LARP4B: variants seen among roughly 807,000 people sequenced by gnomAD.
The protein encoded by LARP4B is La ribonucleoprotein 4B.
Under a neutral mutation model 89.8 loss-of-function variants are expected in LARP4B, and 12 were observed. The ratio of observed to expected loss-of-function variants is 0.13; its 90% CI spans 0.09 to 0.22. The LOEUF (loss-of-function observed/expected upper bound fraction) is 0.22, where lower values mean the gene tolerates loss of function less well. Among genes scored for constraint, LARP4B ranks in the 10% least tolerant of loss-of-function variants. The pLI, the probability that LARP4B is intolerant of heterozygous loss-of-function variation, is 1.00. For synonymous variants in LARP4B, 367 were observed against 363.3 expected (o/e 1.01, Z -0.12); for missense variants, 757 against 947.7 (o/e 0.80, Z 2.64).
intron 3 of LARP4B, among the ~76,000 whole-genome samples, chr10:872,844 T>C (rs1156444402): frequency 6.6e-6 from 1 of 152,164 alleles, no homozygotes; most frequent in African/African-American, 2.4e-5. Context: ...TCACCCAAGT[T>C]TTCATACCTT....
At chr10:873,038 TTA>T in intron 3 of LARP4B, 1 of 985,360 alleles carries the variant, frequency 1.0e-6, no homozygotes, top group Non-Finnish European at 1.2e-6. Flanking sequence ...AGACAAAGTT[TTA>T]CTTATCTTGT....
At chr10:916,011 TG>T (rs968610630) in intron 1 of LARP4B, among the ~76,000 whole-genome samples, 3 of 152,072 alleles carry the variant, frequency 2.0e-5, no homozygotes, top group Non-Finnish European at 4.4e-5. Flanking sequence ...AGGAACCCCC[TG>T]GAAGTCCGAG....
At chr10:876,336 T>C (rs1835451039) in intron 3 of LARP4B, among the ~76,000 whole-genome samples, 2 of 151,684 alleles carry the variant, frequency 1.3e-5, no homozygotes, top group Non-Finnish European at 2.9e-5. Flanking sequence ...AGTGAGCAGA[T>C]ATCACACCAT....
chr10:837,751 A>T (rs992469292), intron 7 of LARP4B, among the ~76,000 whole-genome samples: 1 of 152,250 alleles, frequency 6.6e-6, no homozygotes, highest in African/African-American at 2.4e-5. Flanking sequence ...TCAGCACAAA[A>T]TAGATGACAG....
intron 3 of LARP4B, among the ~76,000 whole-genome samples, chr10:874,202 C>A (rs1835361493): frequency 6.6e-6 from 1 of 152,116 alleles, no homozygotes; most frequent in Non-Finnish European, 1.5e-5. Flanking sequence ...CCACTGCACT[C>A]CAGCCTGGGT....
rs762831833 is a variant in LARP4B, at chr10:825,770, C to T, written c.1226G>A (p.Arg409Gln). ...PLTSLRQYPPRSRNPSKSHLR... is the reference protein window; with the variant it reads ...PLTSLRQYPPQSRNPSKSHLR... ...AGACCGCCCCGGAACTTGCCTGCTT[C>T]GAGGAGGATACTGTCTGAGAGAAGT... Residue 409 changes from arginine (R) to glutamine (Q), a missense_variant, in exon 12 of 18, where the codon CGA becomes CAA. Arg to Gln is a conservative substitution (Grantham distance 43). Transcript: ENST00000316157. 6.2e-7 allele frequency: 1 copy of T among 1,612,706 alleles called. No individual in the cohort carries two copies. Among genetic ancestry groups the T allele is most frequent in the African/African-American group, 1.3e-5 (1 of 75,022 alleles).
the LARP4B span, among the ~76,000 whole-genome samples, chr10:952,301 C>T: frequency 7.6e-6 from 1 of 131,756 alleles, no homozygotes; most frequent in South Asian, 2.4e-4. Flanking sequence ...GATCAAGATG[C>T]TGCACTCCAG....
chr10:831,697 G>A (rs990981841), intron 8 of LARP4B, among the ~76,000 whole-genome samples: 6 of 152,204 alleles, frequency 3.9e-5, no homozygotes, highest in East Asian at 1.9e-4. Context: ...CACTGCTTCC[G>A]CAGTGGGGAA....
In LARP4B at chr10:863,863, C is replaced by T. The variant is rs1834755673; in HGVS notation, c.310G>A (p.Gly104Ser). 1.9e-6 allele frequency: 3 copies of T among 1,613,118 alleles called. No homozygotes were observed. The highest frequency in any genetic ancestry group is 1.3e-5 in the African/African-American group (1 of 74,822). ...GPQGSDANGDGDQGHENAALP... is the reference protein window; with the variant it reads ...GPQGSDANGDSDQGHENAALP... ...GCGGCATTCTCATGGCCCTGGTCAC[C>T]ATCACCATTGGCATCCGATCCTACA... The change falls in exon 5 of 18, where the codon GGT becomes AGT. Residue 104 changes from glycine to serine, a missense_variant. Coordinates refer to ENST00000316157, the MANE Select transcript of LARP4B (RefSeq NM_015155.3).
At chr10:979,407 G>A in the LARP4B span, among the ~76,000 whole-genome samples, 640 of 152,282 alleles carry the variant, frequency 4.2e-3, 4 homozygotes, top group Middle Eastern at 0.017. Context: ...TTAGTCAAAG[G>A]GAGGCCCCAG....
At chr10:932,008 G>A (rs1386168042), upstream of LARP4B, among the ~76,000 whole-genome samples, 4 of 134,060 alleles carry the variant, frequency 3.0e-5, no homozygotes, top group African/African-American at 1.3e-4. Context: ...GCCGTCCCCG[G>A]CGCGACCGGA....
At chr10:929,971 C>A (rs1452051383) in intron 1 of LARP4B, among the ~76,000 whole-genome samples, 1 of 152,080 alleles carries the variant, frequency 6.6e-6, no homozygotes, top group Non-Finnish European at 1.5e-5. Context: ...GATTACAAAA[C>A]TGCCTTTCAG....
In LARP4B at chr10:814,411, A is replaced by T. The variant is rs941817024; in HGVS notation, c.1929+331T>A. 2.6e-6 allele frequency: 1 copy of T among 388,898 alleles called. No homozygotes were observed. The highest frequency in any genetic ancestry group is 5.1e-6 in the Non-Finnish European group (1 of 195,512). The allele number at this position is 388,898 out of a possible 1,614,324, so 24.1% of individuals were successfully genotyped here. A position where few individuals can be genotyped will look rare whatever the true frequency, so the allele number is the denominator to read the frequency against. On this transcript the variant is annotated intron_variant, in intron 17 of 17. Transcript: ENST00000316157. The surrounding 1 kb of genome is among the most constrained non-coding windows in gnomAD (Gnocchi z 4.4). ...ACACACGATGCGCGCGCACGCACGC[A>T]AACATACACACACGCGCGAAATGCT...
chr10:839,597 T>A (rs960377083), intron 7 of LARP4B, among the ~76,000 whole-genome samples: 6 of 152,224 alleles, frequency 3.9e-5, no homozygotes, highest in African/African-American at 1.4e-4. Context: ...CTCAACAAGA[T>A]ATCACTATAT....
intron 1 of LARP4B, among the ~76,000 whole-genome samples, chr10:899,199 T>C (rs991701129): frequency 3.3e-5 from 5 of 152,208 alleles, no homozygotes; most frequent in African/African-American, 9.6e-5. Context: ...ATTGGATCAA[T>C]TGTATCAGTG....
At chr10:935,602 C>T (rs958760144), upstream of LARP4B, among the ~76,000 whole-genome samples, 1 of 152,076 alleles carries the variant, frequency 6.6e-6, no homozygotes, top group Non-Finnish European at 1.5e-5. Context: ...GCAGCGAGGG[C>T]AGTGATCTTG....
chr10:986,432 G>A, the LARP4B span: 1 of 152,202 alleles, frequency 6.6e-6, no homozygotes, highest in Non-Finnish European at 1.5e-5. Context: ...CCCCAGAGAA[G>A]CCCAGAAGTG....
At chr10:882,093 A>G (rs1019143478) in intron 3 of LARP4B, among the ~76,000 whole-genome samples, 2 of 149,882 alleles carry the variant, frequency 1.3e-5, no homozygotes, top group African/African-American at 5.1e-5. Flanking sequence ...GCCTAACTAT[A>G]AGTGGGCCTG....
intron 1 of LARP4B, among the ~76,000 whole-genome samples, chr10:904,975 AAATTT>A (rs1473290297): frequency 6.6e-6 from 1 of 152,242 alleles, no homozygotes. Flanking sequence ...ATTTCACGCT[AAATTT>A]ATTTAAAACA....
Sources: gnomAD v4.1 joint callset for allele counts (sites outside exome capture counted in the v4.1 genomes callset) on GRCh38, gnomAD v4.1.1 for gene constraint, Gnocchi (gnomAD v3.1) non-coding constraint, MANE v1.5 for transcripts, NCBI Gene and HGNC (gene_info 2026-07-23, HGNC 2026-07-21) for gene names.